The following KIAA1217 variants were observed in gnomAD, a reference collection of about 807,000 sequenced individuals.
KIAA1217 encodes the protein KIAA1217, also known as sickle tail protein homolog.
In KIAA1217, 88 loss-of-function variants were observed where a neutral mutation model predicts 163.9. The ratio of observed to expected loss-of-function variants is 0.54; its 90% CI spans 0.45 to 0.64. KIAA1217 has a LOEUF of 0.64. KIAA1217 is among the 30% of genes least tolerant of loss of function. The pLI is 0.00. For missense variants in KIAA1217, 2,372 were observed against 2,475.0 expected (o/e 0.96, Z 0.88); for synonymous variants, 903 against 923.1 (o/e 0.98, Z 0.39).
At chr10:23,853,725 T>A (rs972683992) in intron 1 of KIAA1217, among the ~76,000 whole-genome samples, 14 of 152,346 alleles carry the variant, frequency 9.2e-5, no homozygotes, top group African/African-American at 3.4e-4. Context: ...AGTCAACTTC[T>A]TCCTGGTTTA....
rs10764453 is a variant in KIAA1217 at position 24,183,282 on chromosome 10, A to T, written c.-170-36344A>T. 2.5e-4 allele frequency among the ~76,000 whole-genome samples: 38 copies of T among 152,120 alleles called. 1 individual carries two copies. The highest frequency in any genetic ancestry group is 1.7e-3 in the South Asian group (8 of 4,822). ...ATTACCCAGTTTCAGGTACTCTTTT[A>T]TAGCAACACAAAATGGATGAAGACA... On this transcript the variant is annotated intron_variant, in intron 2 of 18. Transcript: ENST00000376462.
intron 5 of KIAA1217, among the ~76,000 whole-genome samples, chr10:24,443,578 G>A (rs1384169847): frequency 6.6e-6 from 1 of 151,836 alleles, no homozygotes; most frequent in African/African-American, 2.4e-5. Context: ...GTGGGGGAGG[G>A]AGCACAGTTA....
intron 2 of KIAA1217, among the ~76,000 whole-genome samples, chr10:24,128,060 A>AT (rs1205899379): frequency 6.6e-6 from 1 of 152,226 alleles, no homozygotes; most frequent in Non-Finnish European, 1.5e-5. Context: ...ACAACAAATT[A>AT]TTTTTTAAAA....
At chr10:24,137,840 T>G (rs1218189851) in intron 2 of KIAA1217, among the ~76,000 whole-genome samples, 1 of 152,220 alleles carries the variant, frequency 6.6e-6, no homozygotes, top group Non-Finnish European at 1.5e-5. Context: ...TTCTTTTCTA[T>G]GCATGCTCTT....
chr10:23,854,215 C>T (rs1839519555), intron 1 of KIAA1217, among the ~76,000 whole-genome samples: 1 of 151,974 alleles, frequency 6.6e-6, no homozygotes, highest in African/African-American at 2.4e-5. Context: ...TATGTTGTGT[C>T]TTTGTTCTCG....
chr10:24,372,518 T>C (rs2051815773), intron 2 of KIAA1217, among the ~76,000 whole-genome samples: 1 of 152,178 alleles, frequency 6.6e-6, no homozygotes, highest in South Asian at 2.1e-4. Flanking sequence ...AAATAATCTA[T>C]GGGACTGTTG....
chr10:23,751,113 C>T (rs963514922), intron 1 of KIAA1217, among the ~76,000 whole-genome samples: 2 of 151,924 alleles, frequency 1.3e-5, no homozygotes, highest in African/African-American at 4.8e-5. Context: ...CTGCAACCTC[C>T]ACCTCCCAGG....
chr10:23,979,558 A>G (rs1395454767), intron 1 of KIAA1217, among the ~76,000 whole-genome samples: 1 of 152,194 alleles, frequency 6.6e-6, no homozygotes, highest in Non-Finnish European at 1.5e-5. Context: ...ATTTTATTAT[A>G]AAATAAAACG....
chr10:24,498,997 G>C (rs1412909187), intron 8 of KIAA1217, among the ~76,000 whole-genome samples: 2 of 152,188 alleles, frequency 1.3e-5, no homozygotes, highest in Non-Finnish European at 2.9e-5. Context: ...GATTTCCTTT[G>C]GCTGAGGAAT....
rs1264116433 is a variant in KIAA1217, at chr10:24,286,523, G to A, written c.354+66614G>A. Among the ~76,000 whole-genome samples the A allele has an allele frequency of 3.3e-5, 5 of 151,586 alleles. No homozygotes were observed. The South Asian group carries it at 6.2e-4, about 19-fold the overall frequency. ...AATCACTCCTTAAATGTGCAAGACC[G>A]GGACTTGACTTTGAGAAATTTCAAT... is the stretch of plus-strand genomic sequence containing the variant. On this transcript the variant is annotated intron_variant, in intron 2 of 20. Coordinates refer to ENST00000376454, the MANE Select transcript of KIAA1217 (RefSeq NM_019590.5).
chr10:24,287,340 C>T (rs1225818494), intron 2 of KIAA1217, among the ~76,000 whole-genome samples: 2 of 152,322 alleles, frequency 1.3e-5, no homozygotes, highest in East Asian at 3.9e-4. Context: ...CGTGAGCCAC[C>T]GTGCTTGGCC....
At position 24,501,376 on chromosome 10, in the gene KIAA1217, T is replaced by C; in HGVS notation, c.1835-3T>C. 3.7e-6 allele frequency: 6 copies of C among 1,602,696 alleles called. No individual in the cohort carries two copies. The highest frequency in any genetic ancestry group is 3.4e-6 in the Non-Finnish European group (4 of 1,170,982). On this transcript the variant is annotated splice_polypyrimidine_tract_variant and splice_region_variant and intron_variant, in intron 8 of 20. Coordinates refer to ENST00000376454, the MANE Select transcript of KIAA1217 (RefSeq NM_019590.5). The stretch of plus-strand genomic sequence containing the variant: ...TGAGTTCTCTGATGCACTTTTCTCA[T>C]AGGAACGCCCCATGTGTCTGGTGGG...
chr10:24,193,839 C>T (rs1272129053), intron 2 of KIAA1217, among the ~76,000 whole-genome samples: 1 of 132,774 alleles, frequency 7.5e-6, no homozygotes, highest in Admixed American at 7.7e-5. Context: ...CACACACACA[C>T]ACACACAAAG....
intron 1 of KIAA1217, among the ~76,000 whole-genome samples, chr10:23,732,823 T>C (rs1176998242): frequency 6.6e-6 from 1 of 152,186 alleles, no homozygotes; most frequent in Non-Finnish European, 1.5e-5. Context: ...ACAAATGAGA[T>C]GCAAGTTTTT....
chr10:23,806,241 G>A (rs1166890670), intron 1 of KIAA1217, among the ~76,000 whole-genome samples: 1 of 152,042 alleles, frequency 6.6e-6, no homozygotes, highest in Non-Finnish European at 1.5e-5. Context: ...CCGTTGCTGA[G>A]TTTATTCCAT....
intron 2 of KIAA1217, among the ~76,000 whole-genome samples, chr10:24,226,066 G>A (rs2070478470): frequency 6.6e-6 from 1 of 152,108 alleles, no homozygotes; most frequent in Non-Finnish European, 1.5e-5. Context: ...TAACTAAGAA[G>A]TTAGGAATGG....
chr10:24,273,568 T>C (rs2076969299), intron 2 of KIAA1217, among the ~76,000 whole-genome samples: 2 of 152,128 alleles, frequency 1.3e-5, no homozygotes, highest in South Asian at 4.1e-4. Context: ...GTCCAAGTTA[T>C]TGGCTGGACG....
intron 1 of KIAA1217, among the ~76,000 whole-genome samples, chr10:23,870,025 A>T (rs977326363): frequency 6.6e-6 from 1 of 152,162 alleles, no homozygotes; most frequent in Non-Finnish European, 1.5e-5. Flanking sequence ...TTTTTGGTTC[A>T]GAGTACATAC....
intron 2 of KIAA1217, among the ~76,000 whole-genome samples, chr10:24,156,512 C>A (rs2131873322): frequency 6.6e-6 from 1 of 152,288 alleles, no homozygotes; most frequent in Non-Finnish European, 1.5e-5. Flanking sequence ...CCTTGCTGAT[C>A]TTAGAGACAT....
Sources: gnomAD v4.1 joint callset for allele counts (sites outside exome capture counted in the v4.1 genomes callset) on GRCh38, gnomAD v4.1.1 for gene constraint, MANE v1.5 for transcripts, NCBI Gene and HGNC (gene_info 2026-07-23, HGNC 2026-07-21) for gene names.